Variants in ERC2 observed in about 807,000 individuals in gnomAD.
The protein encoded by ERC2 is ERC protein 2.
ERC2 carries 42 observed loss-of-function variants against 114.8 expected under a neutral mutation model. That is an observed-to-expected ratio of 0.37 (90% CI 0.29 to 0.47). ERC2 has a LOEUF of 0.47. ERC2 is among the 20% of genes least tolerant of loss of function. ERC2 has a pLI of 0.99. For synonymous variants in ERC2, 454 were observed against 425.5 expected (o/e 1.07, Z -0.82); for missense variants, 939 against 1,150.7 (o/e 0.82, Z 2.66).
At chr3:56,123,925 T>C (rs1299184813) in intron 6 of ERC2, among the ~76,000 whole-genome samples, 1 of 152,214 alleles carries the variant, frequency 6.6e-6, no homozygotes, top group Non-Finnish European at 1.5e-5. Flanking sequence ...GACAAGGGTA[T>C]GTCGCCTAAC....
chr3:56,019,717 C>A (rs1386356256), intron 7 of ERC2, among the ~76,000 whole-genome samples: 1 of 152,146 alleles, frequency 6.6e-6, no homozygotes, highest in Non-Finnish European at 1.5e-5. Context: ...AATAAACACG[C>A]CAAATAGCCG....
chr3:55,911,969 G>A (rs566701606), intron 13 of ERC2, among the ~76,000 whole-genome samples: 147 of 152,224 alleles, frequency 9.7e-4, no homozygotes, highest in African/African-American at 2.9e-3. Context: ...TACCAGCAAG[G>A]GCACAACACT....
intron 3 of ERC2, among the ~76,000 whole-genome samples, chr3:56,178,797 T>C (rs950922545): frequency 5.3e-5 from 8 of 152,142 alleles, no homozygotes; most frequent in Admixed American, 2.6e-4. Context: ...ACGATAATTT[T>C]AAAAGGAGAC....
intron 2 of ERC2, among the ~76,000 whole-genome samples, chr3:56,338,515 G>A (rs966833731): frequency 6.6e-6 from 1 of 152,164 alleles, no homozygotes; most frequent in Non-Finnish European, 1.5e-5. Context: ...TGCCTTCATA[G>A]AACTGTCTAA....
chr3:56,190,978 G>T (rs1159492284), intron 3 of ERC2, among the ~76,000 whole-genome samples: 1 of 152,176 alleles, frequency 6.6e-6, no homozygotes, highest in Non-Finnish European at 1.5e-5. Flanking sequence ...GTCAATGCAG[G>T]AAGAGCAGGG....
At chr3:55,833,227 G>C (rs936827801) in intron 14 of ERC2, among the ~76,000 whole-genome samples, 36 of 150,514 alleles carry the variant, frequency 2.4e-4, no homozygotes, top group Admixed American at 2.0e-3. Context: ...TAGCAAGGCA[G>C]ACCAACATTC....
intron 2 of ERC2, among the ~76,000 whole-genome samples, chr3:56,408,328 G>A (rs1393727640): frequency 6.6e-6 from 1 of 152,188 alleles, no homozygotes; most frequent in Non-Finnish European, 1.5e-5. Context: ...AGAAACTGAA[G>A]CACAGACAGT....
In ERC2 at chr3:55,627,883, C is replaced by CTT. The variant is rs10714648; in HGVS notation, c.*39+55909_*39+55910dup. ...AAATCATCTGGACTGGGACTTGGTG[C>CTT]TTTTTTTTTTTTTTTTTTTTTTGAA... On this transcript the variant is annotated intron_variant, in intron 17 of 17. Transcript: ENST00000288221. Among the ~76,000 whole-genome samples the CTT allele has an allele frequency of 1.5e-3, 126 of 82,526 alleles. 1 individual carries two copies. The highest frequency in any genetic ancestry group is 4.5e-3 in the African/African-American group (92 of 20,658). The allele number at this position is 82,526 out of a possible 152,430, so 54.1% of individuals were successfully genotyped here.
At chr3:55,643,134 T>A (rs2060256852) in intron 17 of ERC2, among the ~76,000 whole-genome samples, 1 of 152,194 alleles carries the variant, frequency 6.6e-6, no homozygotes, top group African/African-American at 2.4e-5. Context: ...CTTGGTAGGA[T>A]CAAAGTGTTT....
At chr3:56,129,247 C>T (rs1205663771) in intron 6 of ERC2, among the ~76,000 whole-genome samples, 1 of 152,198 alleles carries the variant, frequency 6.6e-6, no homozygotes, top group Admixed American at 6.5e-5. Context: ...TTTAACTTCA[C>T]TCTTGACATT....
At chr3:55,539,299 G>T (rs2054208033) in intron 17 of ERC2, among the ~76,000 whole-genome samples, 1 of 151,052 alleles carries the variant, frequency 6.6e-6, no homozygotes, top group Non-Finnish European at 1.5e-5. Flanking sequence ...AAATCCACTT[G>T]GTCAAATACA....
chr3:56,442,937 G>T (rs2062386054), intron 1 of ERC2, among the ~76,000 whole-genome samples: 1 of 152,170 alleles, frequency 6.6e-6, no homozygotes, highest in Admixed American at 6.5e-5. Context: ...CTTCACCTCA[G>T]ATATAACAGG....
At chr3:56,173,665 CTT>C in intron 3 of ERC2, 145 bp from the exon 4 acceptor site, 1 of 642,436 alleles carries the variant, frequency 1.6e-6, no homozygotes, top group Non-Finnish European at 2.6e-6. Context: ...CCCCCACACT[CTT>C]TAGCATCCCT....
chr3:56,396,676 G>GT (rs747854745), intron 2 of ERC2, among the ~76,000 whole-genome samples: 7 of 152,006 alleles, frequency 4.6e-5, no homozygotes, highest in African/African-American at 1.7e-4. Flanking sequence ...AAGTTTTAGG[G>GT]TTTTTTTGTT....
intron 12 of ERC2, among the ~76,000 whole-genome samples, chr3:55,961,573 A>T (rs2068366469): frequency 6.6e-6 from 1 of 152,116 alleles, no homozygotes; most frequent in Non-Finnish European, 1.5e-5. Flanking sequence ...GGTCTAGCAC[A>T]ATGCCTAGTC....
chr3:56,391,261 A>G (rs2060118342), intron 2 of ERC2, among the ~76,000 whole-genome samples: 2 of 152,296 alleles, frequency 1.3e-5, no homozygotes, highest in South Asian at 4.1e-4. Context: ...TGTGCCCTGG[A>G]ATGAGATCAC....
At chr3:55,938,990 T>A (rs1168540260) in intron 13 of ERC2, among the ~76,000 whole-genome samples, 2 of 152,258 alleles carry the variant, frequency 1.3e-5, no homozygotes, top group Non-Finnish European at 2.9e-5. Flanking sequence ...TATAGCATAA[T>A]GTGAACTTGT....
chr3:55,673,678 G>A (rs2061658098), intron 17 of ERC2, among the ~76,000 whole-genome samples: 1 of 152,174 alleles, frequency 6.6e-6, no homozygotes, highest in African/African-American at 2.4e-5. Flanking sequence ...CACCAGGGGA[G>A]ACAAGTACAA....
chr3:55,701,235 T>C (rs1188001415), intron 15 of ERC2, among the ~76,000 whole-genome samples: 1 of 152,228 alleles, frequency 6.6e-6, no homozygotes, highest in Admixed American at 6.5e-5. Context: ...GGAGCAATTA[T>C]TACTATCCTC....
Sources: gnomAD v4.1 joint callset for allele counts (sites outside exome capture counted in the v4.1 genomes callset) on GRCh38, gnomAD v4.1.1 for gene constraint, MANE v1.5 for transcripts, NCBI Gene and HGNC (gene_info 2026-07-23, HGNC 2026-07-21) for gene names.